Variants in RCSD1 observed in about 807,000 individuals in gnomAD.
The protein encoded by RCSD1 is RCSD domain containing 1.
RCSD1 carries 26 observed loss-of-function variants against 42.5 expected under a neutral mutation model. The observed-to-expected ratio is 0.61, with a 90% CI of 0.45 to 0.85. The LOEUF is 0.85. RCSD1 is among the 40% of genes least tolerant of loss of function. The probability of loss-of-function intolerance (pLI) is 0.00; values close to 1 mark genes in which losing one functional copy is unlikely to be tolerated. For missense variants in RCSD1, 571 were observed against 528.3 expected, an observed-to-expected ratio of 1.08 and a Z score of -0.79; for synonymous variants, 220 against 212.2, an observed-to-expected ratio of 1.04 and a Z score of -0.32.
At chr1:167,661,271 C>A (rs1034309908) in intron 1 of RCSD1, among the ~76,000 whole-genome samples, 1 of 152,142 alleles carries the variant, frequency 6.6e-6, no homozygotes, top group Non-Finnish European at 1.5e-5. Flanking sequence ...GTCCAGGGTC[C>A]CTGCCGTGAA....
At chr1:167,690,994 G>GGTGATATATTAT (rs1659362079) in intron 4 of RCSD1, among the ~76,000 whole-genome samples, 1 of 152,214 alleles carries the variant, frequency 6.6e-6, no homozygotes, top group Non-Finnish European at 1.5e-5. Context: ...TGTGGAGACA[G>GGTGATATATTAT]AGCTTTCACA....
In RCSD1 at chr1:167,682,668, A is replaced by AGAGTGT. The variant is rs35318679; in HGVS notation, c.7-1231_7-1230insAGTGTG. 1.3e-4 allele frequency among the ~76,000 whole-genome samples: 19 copies of AGAGTGT among 142,704 alleles called. No individual in the cohort carries two copies. The East Asian group carries it at 3.8e-3, about 29-fold the overall frequency. 93.6% of individuals were successfully genotyped at this position (142,704 alleles called of 152,430 possible). On this transcript the variant is annotated intron_variant, in intron 1 of 6. Coordinates refer to ENST00000367854, the MANE Select transcript of RCSD1 (RefSeq NM_052862.4). Reference sequence around the variant, plus strand: ...TAGCACAAAAGGAGGGCCATGGAAGAGTGTGTGTGTGTGTGTGTGTGTGTG... The same window carrying AGAGTGT: ...TAGCACAAAAGGAGGGCCATGGAAGAGAGTGTGTGTGTGTGTGTGTGTGTGTGTGTG...
intron 1 of RCSD1, among the ~76,000 whole-genome samples, chr1:167,682,720 T>G (rs147688893): frequency 3.5e-5 from 5 of 142,062 alleles, no homozygotes; most frequent in Non-Finnish European, 7.6e-5. Flanking sequence ...TACAAGGGAG[T>G]AAGCTCGCTG....
Position 167,641,059 on chromosome 1 carries a change from C to T in RCSD1, c.6+10630C>T, listed in dbSNP as rs149361369. ...TTGACACCTGTTGTGTGACTAATTT[C>T]CTGCCTCTTAGGTAGCCCGTATATA... On this transcript the variant is annotated intron_variant, in intron 1 of 6. Transcript: ENST00000367854. Among the ~76,000 whole-genome samples the T allele has an allele frequency of 3.4e-3, 520 of 152,276 alleles. 5 individuals carry two copies. Among genetic ancestry groups the T allele is most frequent in the African/African-American group, 0.012 (494 of 41,560 alleles).
intron 1 of RCSD1, among the ~76,000 whole-genome samples, chr1:167,668,287 G>A (rs58844384): frequency 0.056 from 8,056 of 142,614 alleles, 691 homozygotes; most frequent in African/African-American, 0.19. Context: ...TCCGTCTCCA[G>A]AAAAAAAAAA....
intron 1 of RCSD1, among the ~76,000 whole-genome samples, chr1:167,660,239 A>T (rs1658510174): frequency 6.6e-6 from 1 of 152,158 alleles, no homozygotes; most frequent in African/African-American, 2.4e-5. Context: ...AGAGGTTGTT[A>T]CTTGCCCAGG....
intron 1 of RCSD1, among the ~76,000 whole-genome samples, chr1:167,643,047 A>G (rs893294064): frequency 6.6e-6 from 1 of 152,190 alleles, no homozygotes; most frequent in Non-Finnish European, 1.5e-5. Context: ...CAGCCTCAGG[A>G]TCCCGGTCAG....
At chr1:167,662,256 A>G (rs1401647877) in intron 1 of RCSD1, among the ~76,000 whole-genome samples, 1 of 152,194 alleles carries the variant, frequency 6.6e-6, no homozygotes, top group South Asian at 2.1e-4. Context: ...TCCATCTTTT[A>G]TGACTTTTCT....
rs563441467 is a variant in RCSD1, at chr1:167,649,291, G to T, written c.6+18862G>T. Among the ~76,000 whole-genome samples the T allele has an allele frequency of 2.0e-5, 3 of 152,306 alleles. No homozygotes were observed. In the South Asian group the frequency reaches 6.2e-4, roughly 32 times the overall value. On this transcript the variant is annotated intron_variant, in intron 1 of 6. Transcript: ENST00000367854. Reference sequence around the variant, plus strand: ...GAGTTGGTAAGCCAGGCAAGACCTCGAGAACCTCTTCAGGGCTTGATCCGG... The same window carrying T: ...GAGTTGGTAAGCCAGGCAAGACCTCTAGAACCTCTTCAGGGCTTGATCCGG...
chr1:167,697,349 C>G lies in RCSD1; in HGVS notation c.725C>G (p.Ser242Ter). The change falls in exon 6 of 7, where the codon TCA becomes TGA. Residue 242 changes from serine (S) to a stop codon, truncating the protein, a stop_gained. Coordinates refer to ENST00000367854, the MANE Select transcript of RCSD1 (RefSeq NM_052862.4). LOFTEE classifies it high-confidence loss of function. ...GPAEKPPLRRSPSRTEKQEED... is the reference protein window; with the variant it reads ...GPAEKPPLRR Reference sequence around the variant, plus strand: ...GCTGAAAAGCCTCCTCTGAGGAGGTCACCCAGCAGGACAGAGAAGCAGGAG... The same window carrying G: ...GCTGAAAAGCCTCCTCTGAGGAGGTGACCCAGCAGGACAGAGAAGCAGGAG... 2 of 1,613,998 alleles carry G rather than the reference C, an allele frequency of 1.2e-6. No homozygotes were observed. Among genetic ancestry groups the G allele is most frequent in the Non-Finnish European group, 1.7e-6 (2 of 1,179,974 alleles).
intron 6 of RCSD1, among the ~76,000 whole-genome samples, 194 bp downstream of exon 6, chr1:167,698,036 AG>A (rs1216527391): frequency 2.6e-5 from 4 of 152,190 alleles, no homozygotes; most frequent in Non-Finnish European, 5.9e-5. Flanking sequence ...GGACACAAAG[AG>A]GAAGTGTGTC....
chr1:167,670,272 T>G (rs1658770412), intron 1 of RCSD1, among the ~76,000 whole-genome samples: 1 of 151,864 alleles, frequency 6.6e-6, no homozygotes, highest in African/African-American at 2.4e-5. Context: ...TACATTTACT[T>G]GTTGGCTTAG....
chr1:167,677,890 G>A (rs1055429351), intron 1 of RCSD1, among the ~76,000 whole-genome samples: 1 of 152,196 alleles, frequency 6.6e-6, no homozygotes, highest in East Asian at 1.9e-4. Context: ...TATGAGGGGG[G>A]TATGTCGCTT....
intron 1 of RCSD1, among the ~76,000 whole-genome samples, chr1:167,634,518 T>C (rs940419728): frequency 6.6e-6 from 1 of 152,212 alleles, no homozygotes; most frequent in African/African-American, 2.4e-5. Context: ...GTAATGCTAT[T>C]GTGGATAGGA....
At chr1:167,684,649 C>A (rs1659177627) in intron 2 of RCSD1, among the ~76,000 whole-genome samples, 1 of 152,010 alleles carries the variant, frequency 6.6e-6, no homozygotes, top group South Asian at 2.1e-4. Context: ...CCGAGGCAGG[C>A]AGATCACTTA....
At chr1:167,702,712 G>A (rs552125232) in intron 6 of RCSD1, among the ~76,000 whole-genome samples, 1 of 152,298 alleles carries the variant, frequency 6.6e-6, no homozygotes, top group South Asian at 2.1e-4. Flanking sequence ...CCAGGAGGTG[G>A]AGGTTGCAGT....
intron 1 of RCSD1, among the ~76,000 whole-genome samples, chr1:167,681,232 G>C (rs556784055): frequency 3.0e-4 from 46 of 152,366 alleles, no homozygotes; most frequent in African/African-American, 1.1e-3. Context: ...AGTCTCAGGA[G>C]TTGGAGTCAG....
intron 1 of RCSD1, among the ~76,000 whole-genome samples, chr1:167,644,415 G>T (rs929548320): frequency 1.3e-5 from 2 of 152,102 alleles, no homozygotes; most frequent in Non-Finnish European, 2.9e-5. Context: ...GGAGGCAGAA[G>T]TTGCAGTAAG....
intron 1 of RCSD1, among the ~76,000 whole-genome samples, chr1:167,651,346 T>C (rs1362875177): frequency 1.3e-5 from 2 of 152,190 alleles, no homozygotes; most frequent in African/African-American, 4.8e-5. Flanking sequence ...ACCCGATCTG[T>C]ACTGGAGTTC....
Sources: gnomAD v4.1 joint callset for allele counts (sites outside exome capture counted in the v4.1 genomes callset) on GRCh38, gnomAD v4.1.1 for gene constraint, MANE v1.5 for transcripts, NCBI Gene and HGNC (gene_info 2026-07-23, HGNC 2026-07-21) for gene names.